The following TAFA1 variants were observed in gnomAD, a reference collection of about 807,000 sequenced individuals.
The protein encoded by TAFA1 is TAFA chemokine like family member 1.
A neutral mutation model predicts 18.5 loss-of-function variants in TAFA1; 4 were observed. The ratio of observed to expected loss-of-function variants is 0.22; its 90% confidence interval spans 0.11 to 0.49. The LOEUF (loss-of-function observed/expected upper bound fraction) is 0.49. Ranked by LOEUF, TAFA1 falls within the 20% of genes least tolerant of loss-of-function variation. The probability of loss-of-function intolerance (pLI) is 0.98; values close to 1 mark genes in which losing one functional copy is unlikely to be tolerated. For missense variants in TAFA1, 147 were observed against 169.0 expected (o/e 0.87, Z 0.72); for synonymous variants, 56 against 55.2 (o/e 1.01, Z -0.06).
At chr3:68,225,564 G>T (rs990473312) in intron 2 of TAFA1, among the ~76,000 whole-genome samples, 1 of 152,054 alleles carries the variant, frequency 6.6e-6, no homozygotes, top group Admixed American at 6.6e-5. Flanking sequence ...ACTGATAGTC[G>T]TAGGAAATAT....
intron 2 of TAFA1, chr3:68,145,467 T>C (rs970286017): frequency 3.4e-6 from 3 of 883,520 alleles, no homozygotes; most frequent in East Asian, 2.4e-5. Context: ...GGATGGCAAG[T>C]TGATTCCACC....
At chr3:68,394,201 A>G (rs933536932) in intron 2 of TAFA1, among the ~76,000 whole-genome samples, 4 of 152,168 alleles carry the variant, frequency 2.6e-5, no homozygotes, top group Admixed American at 2.0e-4. Context: ...CCCATTCACA[A>G]TTGCTGCAAA....
intron 2 of TAFA1, chr3:68,247,738 C>G (rs994745268): frequency 6.6e-6 from 1 of 152,210 alleles, no homozygotes; most frequent in Non-Finnish European, 1.5e-5. Context: ...AACAGCAACA[C>G]GATTCATGAC....
chr3:68,060,198 GTGTGTT>G (rs1364700839), intron 2 of TAFA1, among the ~76,000 whole-genome samples: 1 of 137,388 alleles, frequency 7.3e-6, no homozygotes, highest in Non-Finnish European at 1.7e-5. Context: ...GTGTGTGTGT[GTGTGTT>G]TGTGTGTGTG....
chr3:68,350,106 TAAA>T (rs2069239116), intron 2 of TAFA1, among the ~76,000 whole-genome samples: 1 of 152,100 alleles, frequency 6.6e-6, no homozygotes, highest in African/African-American at 2.4e-5. Flanking sequence ...AATGTTATCT[TAAA>T]AACTCTGGTG....
chr3:68,437,645 G>A (rs2071287364), intron 3 of TAFA1, among the ~76,000 whole-genome samples: 1 of 151,912 alleles, frequency 6.6e-6, no homozygotes, highest in Non-Finnish European at 1.5e-5. Context: ...AATCCATTAA[G>A]GAATTCATTC....
chr3:68,466,787 C>T (rs79232278), intron 3 of TAFA1, among the ~76,000 whole-genome samples: 3,674 of 152,210 alleles, frequency 0.024, 74 homozygotes, highest in South Asian at 0.059. Flanking sequence ...GATATTTCAA[C>T]GTAGGTTCTT....
intron 3 of TAFA1, among the ~76,000 whole-genome samples, chr3:68,532,335 G>C (rs1167695261): frequency 6.6e-6 from 1 of 152,154 alleles, no homozygotes; most frequent in Admixed American, 6.6e-5. Flanking sequence ...AAGCCCCTCA[G>C]GTATCTGGGA....
chr3:68,041,815 G>A (rs923885176), intron 2 of TAFA1, among the ~76,000 whole-genome samples: 2 of 152,196 alleles, frequency 1.3e-5, no homozygotes, highest in African/African-American at 2.4e-5. Flanking sequence ...TTATGCTGGT[G>A]AAGGAAGGGC....
At chr3:68,275,527 TAAAG>T (rs2067779214) in intron 2 of TAFA1, among the ~76,000 whole-genome samples, 1 of 149,244 alleles carries the variant, frequency 6.7e-6, no homozygotes, top group African/African-American at 2.5e-5. Context: ...GCATAAGTCA[TAAAG>T]AAATCACTGT....
chr3:68,468,672 C>T (rs1313810264), intron 3 of TAFA1, among the ~76,000 whole-genome samples: 1 of 152,152 alleles, frequency 6.6e-6, no homozygotes, highest in Non-Finnish European at 1.5e-5. Flanking sequence ...TGAGATTATC[C>T]ATGGATTTCA....
rs539948569 is a variant in TAFA1, at chr3:68,231,395, C to T, written c.119-185885C>T. ...TTGAGACGGAGTCTCGCTCTGTCGCCCAGGCCGGACTGCGGACTGCAGTGG... is the reference window on the plus strand; with the variant it reads ...TTGAGACGGAGTCTCGCTCTGTCGCTCAGGCCGGACTGCGGACTGCAGTGG... On this transcript the variant is annotated intron_variant, in intron 2 of 4. Transcript: ENST00000478136. Among the ~76,000 whole-genome samples, 13 of 136,636 alleles carry T rather than the reference C, an allele frequency of 9.5e-5. No individual in the cohort carries two copies. The South Asian group carries it at 2.6e-3, about 27-fold the overall frequency. The allele number at this position is 136,636 out of a possible 152,430, so 89.6% of individuals were successfully genotyped here.
intron 2 of TAFA1, among the ~76,000 whole-genome samples, chr3:68,320,407 T>G (rs913794735): frequency 5.3e-5 from 8 of 152,192 alleles, no homozygotes; most frequent in African/African-American, 1.9e-4. Context: ...CAGGCTCTTG[T>G]GCCAGCTGGA....
chr3:68,016,950 C>T (rs1305752846), intron 2 of TAFA1, among the ~76,000 whole-genome samples: 1 of 152,076 alleles, frequency 6.6e-6, no homozygotes, highest in Non-Finnish European at 1.5e-5. Flanking sequence ...AAGCACTTTT[C>T]CACTGGAAAG....
intron 2 of TAFA1, among the ~76,000 whole-genome samples, chr3:68,180,377 G>A (rs968241935): frequency 7.9e-5 from 12 of 152,080 alleles, no homozygotes; most frequent in African/African-American, 2.9e-4. Context: ...GTTGAGCTGG[G>A]TTTTCAGATT....
At chr3:68,077,682 A>G (rs1432258715) in intron 2 of TAFA1, among the ~76,000 whole-genome samples, 5 of 152,078 alleles carry the variant, frequency 3.3e-5, no homozygotes, top group Admixed American at 2.6e-4. Flanking sequence ...CTATTTTGGT[A>G]CCAGTACCAT....
chr3:68,361,143 A>G (rs931931122), intron 2 of TAFA1, among the ~76,000 whole-genome samples: 2 of 151,548 alleles, frequency 1.3e-5, no homozygotes, highest in Non-Finnish European at 2.9e-5. Flanking sequence ...CGAAGTGTTG[A>G]GCAAGAAAAA....
rs550616556 is a variant in TAFA1, at chr3:68,512,970, G to T, written c.260-25786G>T. 2.0e-5 allele frequency among the ~76,000 whole-genome samples: 3 copies of T among 152,124 alleles called. No homozygotes were observed. The South Asian group carries it at 6.2e-4, about 31-fold the overall frequency. ...CAGGCAATTTCAACAACCGTGCAAA[G>T]TGGGTGGTTCTACATGTCATGGATG... On this transcript the variant is annotated intron_variant, in intron 3 of 4. Transcript: ENST00000478136.
intron 3 of TAFA1, among the ~76,000 whole-genome samples, chr3:68,512,955 C>T (rs1040276313): frequency 1.3e-5 from 2 of 152,108 alleles, no homozygotes; most frequent in African/African-American, 4.8e-5. Flanking sequence ...CAGGCAATTT[C>T]AACAACCGTG....
Sources: allele counts gnomAD v4.1 joint callset (sites outside exome capture counted in the v4.1 genomes callset), GRCh38; gene constraint gnomAD v4.1.1; transcripts MANE v1.5; gene names NCBI Gene and HGNC (gene_info 2026-07-23, HGNC 2026-07-21).